The following EP300 variants were observed in gnomAD, a reference collection of about 807,000 sequenced individuals.
The protein encoded by EP300 is EP300 lysine acetyltransferase, also known as histone acetyltransferase p300.
Under a neutral mutation model 264.0 loss-of-function variants are expected in EP300, and 31 were observed. The ratio of observed to expected loss-of-function variants is 0.12; its 90% CI spans 0.09 to 0.16. The LOEUF is 0.16. EP300 is among the 10% of genes least tolerant of loss of function. The pLI is 1.00. For synonymous variants in EP300, 1,340 were observed against 1,045.4 expected, an observed-to-expected ratio of 1.28 and a Z score of -5.44; for missense variants, 2,766 against 3,052.9, an observed-to-expected ratio of 0.91 and a Z score of 2.21.
In EP300 at chr22:41,140,221, A is replaced by G. The variant is rs1330706301; in HGVS notation, c.1842A>G (p.Lys614=). 11 of 1,613,854 alleles carry G rather than the reference A, an allele frequency of 6.8e-6. No individual in the cohort carries two copies. Among genetic ancestry groups the G allele is most frequent in the East Asian group, 4.5e-5 (2 of 44,878 alleles). The part of the protein sequence containing the change: ...RMENLVAYAR[K]VEGDMYESAN... ...AAAACCTAGTTGCATATGCTCGGAA[A>G]GTTGAAGGGGACATGTATGAATCTG... is the stretch of plus-strand genomic sequence containing the variant. Residue 614 remains lysine (K), a synonymous_variant, in exon 9 of 31, where the codon AAA becomes AAG. Coordinates refer to ENST00000263253, the MANE Select transcript of EP300 (RefSeq NM_001429.4).
At position 41,179,979 on chromosome 22, in the gene EP300, A is replaced by G. The variant is rs1424632913; in HGVS notation, c.*1023A>G. ...CTCAACTGTTGTAAATCATGCAATT[A>G]AAGTTGATTACTTATAAATATGAAC... On this transcript the variant is annotated 3_prime_UTR_variant, in exon 31 of 31. Transcript: ENST00000263253. 1 of 229,998 alleles carries G rather than the reference A, an allele frequency of 4.3e-6. No individual in the cohort carries two copies. Among genetic ancestry groups the G allele is most frequent in the African/African-American group, 2.2e-5 (1 of 45,196 alleles). 14.2% of individuals were successfully genotyped at this position (229,998 alleles called of 1,614,324 possible).
At chr22:41,110,847 G>C (rs1418754445) in intron 1 of EP300, among the ~76,000 whole-genome samples, 1 of 151,544 alleles carries the variant, frequency 6.6e-6, no homozygotes, top group Non-Finnish European at 1.5e-5. Context: ...GGGGAATGAT[G>C]TTTTTAATAC....
intron 6 of EP300, among the ~76,000 whole-genome samples, chr22:41,134,796 T>C (rs1251528555): frequency 6.6e-6 from 1 of 152,370 alleles, no homozygotes; most frequent in East Asian, 1.9e-4. Flanking sequence ...ACCTCTTCTG[T>C]ATTGAAAATA....
At chr22:41,116,442 T>TA (rs1295230010) in intron 1 of EP300, among the ~76,000 whole-genome samples, 1 of 152,136 alleles carries the variant, frequency 6.6e-6, no homozygotes, top group Non-Finnish European at 1.5e-5. Context: ...AACTCCCACT[T>TA]ATGAGTGAGA....
In EP300 at chr22:41,092,710, G is replaced by C. The variant is rs945314951; in HGVS notation, c.-295G>C. The C allele has an allele frequency of 3.3e-6, 2 of 613,406 alleles. No homozygotes were observed. The highest frequency in any genetic ancestry group is 3.7e-5 in the African/African-American group (2 of 53,736). 38.0% of individuals were successfully genotyped at this position (613,406 alleles called of 1,614,324 possible). ...CCGGGGACTGCGCCTCTAGAGCCGC[G>C]AGTTCTCGGGAATTCGCCGCAGCGG... On this transcript the variant is annotated 5_prime_UTR_variant, in exon 1 of 31. Transcript: ENST00000263253.
rs1319129637 is a variant in EP300, at chr22:41,117,834, T to A, written c.729+13T>A. On this transcript the variant is annotated intron_variant, in intron 2 of 30. Coordinates refer to ENST00000263253, the MANE Select transcript of EP300 (RefSeq NM_001429.4). The stretch of plus-strand genomic sequence containing the variant: ...CCAGCCTCTTAAGGTAAGTACAGTT[T>A]TGGTTTGTGTGCACAATCGGCATGC... 3 of 1,613,492 alleles carry A rather than the reference T, an allele frequency of 1.9e-6. No individual in the cohort carries two copies. Among genetic ancestry groups the A allele is most frequent in the Non-Finnish European group, 2.5e-6 (3 of 1,180,012 alleles).
chr22:41,152,459 C>A, intron 16 of EP300, 109 bp downstream of exon 16: 4 of 1,307,770 alleles, frequency 3.1e-6, no homozygotes, highest in Non-Finnish European at 4.3e-6. Flanking sequence ...ATTGTGATTT[C>A]ATTAACCTGG....
At position 41,119,180 on chromosome 22, in the gene EP300, T is replaced by A. The variant is rs796219977; in HGVS notation, c.729+1359T>A. Among the ~76,000 whole-genome samples, 911 of 100,180 alleles carry A rather than the reference T, an allele frequency of 9.1e-3. 27 individuals are homozygous for A. Among genetic ancestry groups the A allele is most frequent in the South Asian group, 0.021 (65 of 3,120 alleles). The allele number at this position is 100,180 out of a possible 152,430, so 65.7% of individuals were successfully genotyped here. ...ACCATGCCTGGCTTATTATTATTTT[T>A]TTTTTTTTTTTTTTTTTTTTTAAGA... On this transcript the variant is annotated intron_variant, in intron 2 of 30. Transcript: ENST00000263253.
Position 41,131,447 on chromosome 22 carries a change from C to G in EP300, c.1342C>G (p.Gln448Glu). 1 of 1,614,096 alleles carries G rather than the reference C, an allele frequency of 6.2e-7. No homozygotes were observed. The highest frequency in any genetic ancestry group is 8.5e-7 in the Non-Finnish European group (1 of 1,180,020). The part of the protein sequence containing the change: ...GNPSSLGVGQ[Q>E]SAPNLSTVSQ... ...TCCTAGCTCTCTAGGGGTGGGTCAA[C>G]AGTCTGCCCCCAACCTAAGCACTGT... The change falls in exon 6 of 31, where the codon CAG becomes GAG. Residue 448 changes from glutamine (Q) to glutamate (E), a missense_variant. Gln to Glu is a conservative substitution (Grantham distance 29, BLOSUM62 2). Transcript: ENST00000263253.
At chr22:41,154,885 T>C (rs1371145743) in intron 16 of EP300, 110 bp from the exon 17 acceptor site, 3 of 769,712 alleles carry the variant, frequency 3.9e-6, no homozygotes, top group Non-Finnish European at 6.9e-6. Flanking sequence ...ACAGAGTGGT[T>C]AATTTTGTTA....
chr22:41,122,154 CTTCTTTTTTTTT>C (rs2058855963), intron 2 of EP300, among the ~76,000 whole-genome samples: 4 of 97,256 alleles, frequency 4.1e-5, no homozygotes, highest in Admixed American at 1.5e-4. Context: ...CTTTCTTCTT[CTTCTTTTTTTTT>C]TTTTTTTTTT....
intron 6 of EP300, among the ~76,000 whole-genome samples, chr22:41,132,524 T>A (rs1480846367): frequency 2.0e-5 from 3 of 152,054 alleles, no homozygotes; most frequent in Non-Finnish European, 4.4e-5. Flanking sequence ...CTTGACCTCG[T>A]GATCCACCCA....
rs767256506 is a variant in EP300, at chr22:41,177,601, C to T, written c.5890C>T (p.Pro1964Ser). ...HQMPPMTPMAPMGMNPPPMTR... is the reference protein window; with the variant it reads ...HQMPPMTPMASMGMNPPPMTR... ...GATGCCCCCGATGACTCCCATGGCC[C>T]CCATGGGTATGAACCCACCTCCCAT... The change falls in exon 31 of 31, where the codon CCC becomes TCC. Residue 1964 changes from proline to serine, a missense_variant. Physicochemically the swap from Pro to Ser is moderately conservative, Grantham distance 74. Transcript: ENST00000263253. 3 of 1,614,034 alleles carry T rather than the reference C, an allele frequency of 1.9e-6. No homozygotes were observed. Among genetic ancestry groups the T allele is most frequent in the Non-Finnish European group, 8.5e-7 (1 of 1,180,044 alleles).
chr22:41,137,533 A>C lies in EP300; in HGVS notation c.1623-120A>C. The C allele has an allele frequency of 4.5e-6, 6 of 1,333,340 alleles. No individual in the cohort carries two copies. The South Asian group carries it at 6.1e-5, about 14-fold the overall frequency. The allele number at this position is 1,333,340 out of a possible 1,614,324, so 82.6% of individuals were successfully genotyped here. On this transcript the variant is annotated intron_variant, in intron 7 of 30. Transcript: ENST00000263253. ...CACACTTCTCCCTGCCTAGCTCCTTAATGCGAATAGAAGTGACATAGCATA... is the reference window on the plus strand; with the variant it reads ...CACACTTCTCCCTGCCTAGCTCCTTCATGCGAATAGAAGTGACATAGCATA...
At chr22:41,157,483 A>G in intron 18 of EP300, 75 bp downstream of exon 18, 1 of 1,166,374 alleles carries the variant, frequency 8.6e-7, no homozygotes, top group South Asian at 1.2e-5. Flanking sequence ...CTGGGATAAG[A>G]GAATATCCTG....
chr22:41,147,091 G>T (rs531798816), intron 11 of EP300, among the ~76,000 whole-genome samples: 32 of 151,728 alleles, frequency 2.1e-4, no homozygotes, highest in Non-Finnish European at 2.9e-5. Context: ...TACCACCTGA[G>T]GTCAAAGTAC....
chr22:41,166,280 T>C (rs1213069296), intron 22 of EP300, among the ~76,000 whole-genome samples: 1 of 152,242 alleles, frequency 6.6e-6, no homozygotes, highest in East Asian at 1.9e-4. Flanking sequence ...ACTAGTAGCA[T>C]ATAGGAAATG....
chr22:41,134,163 C>CT (rs11362436), intron 6 of EP300, among the ~76,000 whole-genome samples: 26,080 of 105,686 alleles, frequency 0.25, 2,719 homozygotes, highest in Admixed American at 0.37. Flanking sequence ...TCATTCTTTT[C>CT]TTTTTTTTTT....
Position 41,178,235 on chromosome 22 carries a change from T to C in EP300, c.6524T>C (p.Met2175Thr). Residue 2175 changes from methionine (M) to threonine (T), a missense_variant, in exon 31 of 31, where the codon ATG becomes ACG. Physicochemically the swap from Met to Thr is moderately conservative, Grantham distance 81. Coordinates refer to ENST00000263253, the MANE Select transcript of EP300 (RefSeq NM_001429.4). ...CAGATGAACATGAACCACAACACCATGCCTTCACAATTCCGAGACATCTTG... is the reference window on the plus strand; with the variant it reads ...CAGATGAACATGAACCACAACACCACGCCTTCACAATTCCGAGACATCTTG... ...AQQMNMNHNT[M>T]PSQFRDILRR... 3 of 1,613,838 alleles carry C rather than the reference T, an allele frequency of 1.9e-6. No individual in the cohort carries two copies. Among genetic ancestry groups the C allele is most frequent in the Non-Finnish European group, 2.5e-6 (3 of 1,179,968 alleles).
Sources: allele counts gnomAD v4.1 joint callset (sites outside exome capture counted in the v4.1 genomes callset), GRCh38; gene constraint gnomAD v4.1.1; transcripts MANE v1.5; gene names NCBI Gene and HGNC (gene_info 2026-07-23, HGNC 2026-07-21).